Variants in COL4A4 observed in about 807,000 individuals in gnomAD.
COL4A4 encodes the protein collagen alpha-4(IV) chain.
Under a neutral mutation model 192.9 loss-of-function variants are expected in COL4A4, and 105 were observed. The ratio of observed to expected loss-of-function variants is 0.54; its 90% CI spans 0.46 to 0.64. The LOEUF is 0.64. Ranked by LOEUF, COL4A4 falls within the 30% of genes least tolerant of loss-of-function variation. COL4A4 has a pLI of 0.00. For missense variants in COL4A4, 1,967 were observed against 2,169.3 expected (o/e 0.91, Z 1.85); for synonymous variants, 762 against 769.9 (o/e 0.99, Z 0.17).
intron 44 of COL4A4, among the ~76,000 whole-genome samples, chr2:227,021,608 G>A (rs559881847): frequency 1.1e-4 from 17 of 152,188 alleles, no homozygotes; most frequent in Non-Finnish European, 2.4e-4. Flanking sequence ...GGCGGATCAC[G>A]AGGTCAGGAG....
At chr2:227,069,217 A>G (rs777470082) in intron 25 of COL4A4, among the ~76,000 whole-genome samples, 14,690 of 149,278 alleles carry the variant, frequency 0.098, 802 homozygotes, top group Non-Finnish European at 0.12. Context: ...GAAATAAAAG[A>G]GGATACAAAC....
chr2:227,088,394 A>G (rs1028936722), intron 22 of COL4A4, among the ~76,000 whole-genome samples: 34 of 152,210 alleles, frequency 2.2e-4, no homozygotes, highest in African/African-American at 7.9e-4. Context: ...GTGAGTTCTC[A>G]TGAGATCTGA....
chr2:227,046,707 C>T (rs1009931689), intron 35 of COL4A4, among the ~76,000 whole-genome samples: 3 of 152,042 alleles, frequency 2.0e-5, no homozygotes, highest in Non-Finnish European at 4.4e-5. Flanking sequence ...AGGCTGCTTT[C>T]CCCTCTAGGG....
rs1268859045 is a variant in COL4A4, at chr2:227,049,860, CA to C, written c.3214+207del. On this transcript the variant is annotated intron_variant, in intron 34 of 47. Coordinates refer to ENST00000396625, the MANE Select transcript of COL4A4 (RefSeq NM_000092.5). ...GAGGAAGACACGAAGAGCCTGCAGG[CA>C]TGCTGTTTTCTATCTGATACCCTTG... Among the ~76,000 whole-genome samples the C allele has an allele frequency of 3.9e-5, 6 of 152,332 alleles. No individual in the cohort carries two copies. In the East Asian group the frequency reaches 1.2e-3, roughly 29 times the overall value.
At chr2:227,033,337 C>G (rs1227185679) in intron 38 of COL4A4, 73 bp downstream of exon 38, 1 of 1,281,854 alleles carries the variant, frequency 7.8e-7, no homozygotes, top group Non-Finnish European at 1.1e-6. Context: ...GCAGAAATAC[C>G]AGGGAGGGTA....
At chr2:227,067,671 A>C (rs2058434254) in intron 25 of COL4A4, among the ~76,000 whole-genome samples, 1 of 152,216 alleles carries the variant, frequency 6.6e-6, no homozygotes, top group African/African-American at 2.4e-5. Flanking sequence ...GAAACCAACG[A>C]GAACAAAGAC....
At chr2:227,158,015 CAAAT>C (rs2064492094) in intron 1 of COL4A4, among the ~76,000 whole-genome samples, 1 of 151,910 alleles carries the variant, frequency 6.6e-6, no homozygotes, top group Non-Finnish European at 1.5e-5. Flanking sequence ...ATAATATTAA[CAAAT>C]AAAATCCATA....
intron 20 of COL4A4, 46 bp from the exon 21 acceptor site, chr2:227,090,003 TCTGA>T: frequency 2.0e-6 from 3 of 1,483,234 alleles, no homozygotes; most frequent in East Asian, 4.5e-5. Flanking sequence ...ACATAATTTT[TCTGA>T]CTGTCTTCTA....
At chr2:226,979,971 T>G in the COL4A4 span, among the ~76,000 whole-genome samples, 4 of 152,084 alleles carry the variant, frequency 2.6e-5, no homozygotes, top group Non-Finnish European at 4.4e-5. Flanking sequence ...TGGATTGAAT[T>G]TGGGGACAGG....
intron 4 of COL4A4, among the ~76,000 whole-genome samples, chr2:227,124,077 G>C (rs2061953021): frequency 6.6e-6 from 1 of 152,064 alleles, no homozygotes; most frequent in African/African-American, 2.4e-5. Context: ...ATTATAAATG[G>C]ATAATTGTTA....
chr2:227,050,980 G>A lies in COL4A4; in HGVS notation c.3147C>T (p.Asp1049=). 1 of 1,614,176 alleles carries A rather than the reference G, an allele frequency of 6.2e-7. No homozygotes were observed. Among genetic ancestry groups the A allele is most frequent in the Non-Finnish European group, 8.5e-7 (1 of 1,180,030 alleles). Residue 1049 remains aspartate, a synonymous_variant, in exon 33 of 48, where the codon GAC becomes GAT. Coordinates refer to ENST00000396625, the MANE Select transcript of COL4A4 (RefSeq NM_000092.5). ...GFIGFPGLPG[D]QGEPGSPGPP... The stretch of plus-strand genomic sequence containing the variant: ...CCACAAAGCAGTAGCCCCTTACCTG[G>A]TCACCTGGAAGTCCTGGAAAACCAA...
At chr2:226,993,915 C>G in the COL4A4 span, among the ~76,000 whole-genome samples, 1 of 152,208 alleles carries the variant, frequency 6.6e-6, no homozygotes, top group East Asian at 1.9e-4. Context: ...TGAAAAGGTG[C>G]CACTCTTGGG....
intron 44 of COL4A4, among the ~76,000 whole-genome samples, chr2:227,015,307 T>C (rs1021384278): frequency 1.7e-4 from 26 of 152,150 alleles, no homozygotes; most frequent in African/African-American, 5.1e-4. Flanking sequence ...AGTGAGAAAG[T>C]GGAAACTCCT....
chr2:227,022,233 A>G (rs1966148652), intron 43 of COL4A4, 60 bp from the exon 44 acceptor site: 2 of 1,605,926 alleles, frequency 1.2e-6, no homozygotes. Context: ...AGCTCCTTCT[A>G]CAGTCTCTGG....
chr2:227,098,638 A>C (rs2060334873), intron 19 of COL4A4, 56 bp downstream of exon 19: 2 of 1,313,004 alleles, frequency 1.5e-6, no homozygotes, highest in Non-Finnish European at 2.2e-6. Context: ...ACTGGTGCTG[A>C]TGATGATGCA....
chr2:227,042,818 ATCTG>A (rs1971724990), intron 36 of COL4A4, among the ~76,000 whole-genome samples: 1 of 152,180 alleles, frequency 6.6e-6, no homozygotes, highest in Non-Finnish European at 1.5e-5. Context: ...AGGAGTTGCT[ATCTG>A]TCTGACCATT....
chr2:227,004,710 C>A lies in COL4A4; in HGVS notation c.*2615G>T, dbSNP rs1439965447. On this transcript the variant is annotated 3_prime_UTR_variant, in exon 48 of 48. Coordinates refer to ENST00000396625, the MANE Select transcript of COL4A4 (RefSeq NM_000092.5). ...GTGTGAGAGCAGAACGAAAGGGCCA[C>A]TCATAGCATGGAAACCTGCCTGGAT... 1 of 152,130 alleles carries A rather than the reference C, an allele frequency of 6.6e-6. No homozygotes were observed. Among genetic ancestry groups the A allele is most frequent in the Non-Finnish European group, 1.5e-5 (1 of 68,038 alleles). 9.4% of individuals were successfully genotyped at this position (152,130 alleles called of 1,614,324 possible). A position where few individuals can be genotyped will look rare whatever the true frequency, so the allele number is the denominator to read the frequency against.
intron 4 of COL4A4, among the ~76,000 whole-genome samples, chr2:227,137,385 C>CA (rs1451032059): frequency 1.3e-5 from 2 of 152,170 alleles, no homozygotes; most frequent in African/African-American, 4.8e-5. Context: ...GATCATGGAG[C>CA]AAATGCTGGG....
At chr2:227,041,117 T>C (rs1230598109) in intron 37 of COL4A4, among the ~76,000 whole-genome samples, 1 of 152,182 alleles carries the variant, frequency 6.6e-6, no homozygotes, top group Non-Finnish European at 1.5e-5. Context: ...CCTTATTGTT[T>C]TCTCTTCCAC....
Sources: gnomAD v4.1 joint callset for allele counts (sites outside exome capture counted in the v4.1 genomes callset) on GRCh38, gnomAD v4.1.1 for gene constraint, MANE v1.5 for transcripts, NCBI Gene and HGNC (gene_info 2026-07-23, HGNC 2026-07-21) for gene names.